Variants in FAM110B observed in about 807,000 individuals in gnomAD.
FAM110B encodes the protein protein FAM110B.
A neutral mutation model predicts 20.4 loss-of-function variants in FAM110B; 6 were observed. That is an observed-to-expected ratio of 0.29 (90% CI 0.16 to 0.58). The LOEUF (loss-of-function observed/expected upper bound fraction) is 0.58. FAM110B is among the 20% of genes least tolerant of loss of function. FAM110B has a pLI of 0.90. For synonymous variants in FAM110B, 226 were observed against 214.1 expected, an observed-to-expected ratio of 1.06 and a Z score of -0.49; for missense variants, 434 against 498.2, an observed-to-expected ratio of 0.87 and a Z score of 1.23.
chr8:58,133,487 C>A (rs578189005), intron 3 of FAM110B, among the ~76,000 whole-genome samples: 1 of 152,100 alleles, frequency 6.6e-6, no homozygotes, highest in Non-Finnish European at 1.5e-5. Context: ...ACTCACCATT[C>A]GGGAATGAGG....
rs181444590 is a variant in FAM110B, at chr8:58,078,133, T to G, written c.-325+2510T>G. Among the ~76,000 whole-genome samples, 376 of 152,386 alleles carry G rather than the reference T, an allele frequency of 2.5e-3. 3 individuals carry two copies. Among genetic ancestry groups the G allele is most frequent in the African/African-American group, 8.7e-3 (363 of 41,594 alleles). ...AGATAAGCAGCCTTATGAATTCATA[T>G]GCATTATTATCGCCATTAAATTTTC... On this transcript the variant is annotated intron_variant, in intron 3 of 3. Transcript: ENST00000519262.
chr8:58,033,881 C>G (rs1031047847), intron 2 of FAM110B, among the ~76,000 whole-genome samples: 1 of 152,206 alleles, frequency 6.6e-6, no homozygotes, highest in Non-Finnish European at 1.5e-5. Context: ...TGCCTCCCTC[C>G]TGGGATGCCA....
chr8:58,021,486 G>A (rs972018264), intron 1 of FAM110B, among the ~76,000 whole-genome samples: 2 of 152,116 alleles, frequency 1.3e-5, no homozygotes, highest in African/African-American at 4.8e-5. Context: ...ACACAGAACC[G>A]ATTCCTAGCA....
chr8:57,995,767 A>G (rs1804172670), intron 1 of FAM110B, among the ~76,000 whole-genome samples: 1 of 152,198 alleles, frequency 6.6e-6, no homozygotes, highest in Admixed American at 6.5e-5. Flanking sequence ...CACACACAGA[A>G]AAGTGCAGGC....
intron 3 of FAM110B, among the ~76,000 whole-genome samples, chr8:58,077,441 G>C (rs58524541): frequency 0.028 from 4,270 of 152,278 alleles, 214 homozygotes; most frequent in African/African-American, 0.097. Flanking sequence ...CTGCTCACCA[G>C]GATGGCTGCT....
chr8:58,132,211 A>G (rs975279438), intron 3 of FAM110B, among the ~76,000 whole-genome samples: 2 of 152,026 alleles, frequency 1.3e-5, no homozygotes, highest in Non-Finnish European at 2.9e-5. Flanking sequence ...AAGTTTTCAC[A>G]TCATCTTCCT....
chr8:58,108,985 ACT>A (rs1171455068), intron 3 of FAM110B, among the ~76,000 whole-genome samples: 3 of 152,034 alleles, frequency 2.0e-5, no homozygotes, highest in African/African-American at 7.3e-5. Flanking sequence ...TTTATTACAG[ACT>A]CTAATCGGTG....
In FAM110B at chr8:58,140,471, G is replaced by GAACC. The variant is rs541380760; in HGVS notation, c.-324-5434_-324-5431dup. On this transcript the variant is annotated intron_variant, in intron 3 of 3. Coordinates refer to ENST00000519262, the MANE Select transcript of FAM110B (RefSeq NM_001377989.1). Reference sequence around the variant, plus strand: ...AAGGCTACTCAACCATTACGGGGCAGAACCATAGGCAGTGCCATATTGGGC... The same window carrying GAACC: ...AAGGCTACTCAACCATTACGGGGCAGAACCAACCATAGGCAGTGCCATATTGGGC... Among the ~76,000 whole-genome samples the GAACC allele has an allele frequency of 1.4e-3, 210 of 152,314 alleles. 1 individual carries two copies. Among genetic ancestry groups the GAACC allele is most frequent in the African/African-American group, 4.8e-3 (199 of 41,560 alleles).
Position 58,145,945 on chromosome 8 carries a change from C to A in FAM110B, c.-286C>A, listed in dbSNP as rs895919981. 8.7e-6 allele frequency: 3 copies of A among 342,958 alleles called. No individual in the cohort carries two copies. The allele number at this position is 342,958 out of a possible 1,614,324, so 21.2% of individuals were successfully genotyped here. ...TGAACACAAAGACCTGGAGGAGACT[C>A]CCACCTCCTTCAGGGAGAAGAAAGG... On this transcript the variant is annotated 5_prime_UTR_variant, in exon 4 of 4. Coordinates refer to ENST00000519262, the MANE Select transcript of FAM110B (RefSeq NM_001377989.1).
chr8:58,110,767 C>A (rs1000843597), intron 3 of FAM110B, among the ~76,000 whole-genome samples: 1 of 152,098 alleles, frequency 6.6e-6, no homozygotes, highest in Admixed American at 6.6e-5. Flanking sequence ...TTTATATCTA[C>A]AATTACAGGC....
At chr8:57,998,075 A>G (rs918384756) in intron 1 of FAM110B, among the ~76,000 whole-genome samples, 1 of 152,184 alleles carries the variant, frequency 6.6e-6, no homozygotes, top group Non-Finnish European at 1.5e-5. Context: ...ATGTCAACAA[A>G]TCTCTTCTCT....
chr8:58,035,170 ATAG>A (rs1429558411), intron 2 of FAM110B, among the ~76,000 whole-genome samples: 2 of 152,232 alleles, frequency 1.3e-5, no homozygotes, highest in Non-Finnish European at 2.9e-5. Flanking sequence ...AAGAATAAAG[ATAG>A]TAGTAATTAT....
chr8:58,141,554 A>G (rs1803743280), intron 3 of FAM110B, among the ~76,000 whole-genome samples: 1 of 152,202 alleles, frequency 6.6e-6, no homozygotes, highest in Admixed American at 6.5e-5. Flanking sequence ...GGGTGAATCC[A>G]GGTTGTGTTC....
chr8:58,028,311 G>A (rs1250323098), intron 1 of FAM110B, among the ~76,000 whole-genome samples: 1 of 152,120 alleles, frequency 6.6e-6, no homozygotes, highest in Non-Finnish European at 1.5e-5. Flanking sequence ...CACCGTGTCA[G>A]CCAGGCTGGT....
chr8:58,059,253 A>G (rs924656181), intron 2 of FAM110B, among the ~76,000 whole-genome samples: 3 of 152,202 alleles, frequency 2.0e-5, no homozygotes, highest in African/African-American at 4.8e-5. Context: ...ATATTGTTGA[A>G]TAAGTCTTTT....
At chr8:58,014,068 G>A (rs1438219954) in intron 1 of FAM110B, among the ~76,000 whole-genome samples, 1 of 152,086 alleles carries the variant, frequency 6.6e-6, no homozygotes, top group Non-Finnish European at 1.5e-5. Context: ...GCTTGGAAAA[G>A]GCCCGAGCCA....
At chr8:58,107,374 G>T (rs928949247) in intron 3 of FAM110B, among the ~76,000 whole-genome samples, 1 of 151,978 alleles carries the variant, frequency 6.6e-6, no homozygotes, top group South Asian at 2.1e-4. Flanking sequence ...TTAAAAGAAG[G>T]CCCACCGGGA....
At chr8:58,131,464 T>C (rs962458856) in intron 3 of FAM110B, among the ~76,000 whole-genome samples, 3 of 152,192 alleles carry the variant, frequency 2.0e-5, no homozygotes, top group African/African-American at 7.2e-5. Context: ...ATATCCTCTC[T>C]TGGTTCTGCT....
At chr8:58,130,626 C>T (rs1452084205) in intron 3 of FAM110B, among the ~76,000 whole-genome samples, 1 of 152,208 alleles carries the variant, frequency 6.6e-6, no homozygotes, top group Non-Finnish European at 1.5e-5. Context: ...CTCTTCCATT[C>T]ATGTCAATAC....
Sources: allele counts gnomAD v4.1 joint callset (sites outside exome capture counted in the v4.1 genomes callset), GRCh38; gene constraint gnomAD v4.1.1; transcripts MANE v1.5; gene names NCBI Gene and HGNC (gene_info 2026-07-23, HGNC 2026-07-21).